The following STAMBP variants were observed in gnomAD, a reference collection of about 807,000 sequenced individuals.
STAMBP encodes STAM-binding protein.
In STAMBP, 31 loss-of-function variants were observed where a neutral mutation model predicts 50.7. The observed-to-expected ratio is 0.61, with a 90% CI of 0.46 to 0.83. The LOEUF is 0.83. Ranked by LOEUF, STAMBP falls within the 40% of genes least tolerant of loss-of-function variation. The pLI is 0.00. For missense variants in STAMBP, 472 were observed against 518.9 expected, an observed-to-expected ratio of 0.91 and a Z score of 0.88; for synonymous variants, 211 against 192.4, an observed-to-expected ratio of 1.10 and a Z score of -0.80.
Position 73,865,134 on chromosome 2 carries a change from T to G in STAMBP, c.*2875T>G, listed in dbSNP as rs1216703386. 6.6e-6 allele frequency: 1 copy of G among 152,210 alleles called. No individual in the cohort carries two copies. The highest frequency in any genetic ancestry group is 1.5e-5 in the Non-Finnish European group (1 of 68,048). 9.4% of individuals were successfully genotyped at this position (152,210 alleles called of 1,614,324 possible). A position where few individuals can be genotyped will look rare whatever the true frequency, so the allele number is the denominator to read the frequency against. On this transcript the variant is annotated 3_prime_UTR_variant, in exon 10 of 10. Coordinates refer to ENST00000394070, the MANE Select transcript of STAMBP (RefSeq NM_213622.4). ...CCTATCCCTTTTGACTGTTGATGGC[T>G]TCTTTGGGGTTTTAGTTACCCCAGT...
At chr2:73,837,540 G>A (rs1001294247) in intron 2 of STAMBP, among the ~76,000 whole-genome samples, 16 of 125,370 alleles carry the variant, frequency 1.3e-4, no homozygotes, top group Admixed American at 9.5e-4. Context: ...AGCCGAGATC[G>A]CGCCACTGCA....
chr2:73,871,390 C>CAA (rs199662643), downstream of STAMBP, among the ~76,000 whole-genome samples: 564 of 151,090 alleles, frequency 3.7e-3, 3 homozygotes, highest in African/African-American at 0.013. Flanking sequence ...CGAAAAATAC[C>CAA]AAAAAAAATT....
At position 73,850,257 on chromosome 2, in the gene STAMBP, C is replaced by T. The variant is rs1676641414; in HGVS notation, c.868-119C>T. ...TGTGAACCACTGAGTGGCAGGACTCCTGCTGTGTGGGAAGGGCTTTCACTT... is the reference window on the plus strand; with the variant it reads ...TGTGAACCACTGAGTGGCAGGACTCTTGCTGTGTGGGAAGGGCTTTCACTT... On this transcript the variant is annotated intron_variant, in intron 6 of 9. Coordinates refer to ENST00000394070, the MANE Select transcript of STAMBP (RefSeq NM_213622.4). The surrounding 1 kb of genome is among the most constrained non-coding windows in gnomAD (Gnocchi z 4.3). The T allele has an allele frequency of 7.5e-7, 1 of 1,339,708 alleles. No individual in the cohort carries two copies. The highest frequency in any genetic ancestry group is 2.5e-5 in the East Asian group (1 of 40,118). The allele number at this position is 1,339,708 out of a possible 1,614,324, so 83.0% of individuals were successfully genotyped here.
Position 73,831,077 on chromosome 2 carries a change from T to C in STAMBP, c.203+18T>C. 2 of 1,606,744 alleles carry C rather than the reference T, an allele frequency of 1.2e-6. No homozygotes were observed. The highest frequency in any genetic ancestry group is 2.2e-5 in the East Asian group (1 of 44,852). The stretch of plus-strand genomic sequence containing the variant: ...TATATCACGTAAGACACCTACAGTT[T>C]CCTTTTTCCTTTCTGGTGACTGGTG... On this transcript the variant is annotated intron_variant, in intron 2 of 9. Transcript: ENST00000394070.
chr2:73,834,285 AT>A (rs1558558487), intron 2 of STAMBP, among the ~76,000 whole-genome samples: 75 of 92,414 alleles, frequency 8.1e-4, no homozygotes, highest in African/African-American at 2.4e-3. Context: ...ATATATATAT[AT>A]AAAGTTTTTG....
intron 2 of STAMBP, among the ~76,000 whole-genome samples, chr2:73,839,664 A>C (rs921374115): frequency 6.6e-6 from 1 of 152,200 alleles, no homozygotes; most frequent in Non-Finnish European, 1.5e-5. Flanking sequence ...CGATTTAAAA[A>C]ATTTTTCAAA....
In STAMBP at chr2:73,859,516, G is replaced by T. The variant is rs1031181160; in HGVS notation, c.1118+150G>T. On this transcript the variant is annotated intron_variant, in intron 8 of 9. Coordinates refer to ENST00000394070, the MANE Select transcript of STAMBP (RefSeq NM_213622.4). ...GTTATTCTAAAGGGCTTCCTTTTAA[G>T]CCCCATATCATGATTTATCTATCAT... is the stretch of plus-strand genomic sequence containing the variant. The T allele has an allele frequency of 2.2e-5, 14 of 631,900 alleles. No homozygotes were observed. The Admixed American group carries it at 3.6e-4, about 16-fold the overall frequency. The allele number at this position is 631,900 out of a possible 1,614,324, so 39.1% of individuals were successfully genotyped here.
intron 2 of STAMBP, among the ~76,000 whole-genome samples, chr2:73,840,049 C>G (rs1675180392): frequency 6.6e-6 from 1 of 152,192 alleles, no homozygotes. Flanking sequence ...CTATCCCTTT[C>G]TATCCCCCTT....
intron 1 of STAMBP, among the ~76,000 whole-genome samples, chr2:73,830,499 T>A (rs1299578378): frequency 6.6e-6 from 1 of 152,248 alleles, no homozygotes; most frequent in East Asian, 1.9e-4. Flanking sequence ...TAAAAGATGC[T>A]GTTCCCACTT....
downstream of STAMBP, among the ~76,000 whole-genome samples, chr2:73,869,339 T>G (rs1679102527): frequency 6.6e-6 from 1 of 152,066 alleles, no homozygotes; most frequent in African/African-American, 2.4e-5. Flanking sequence ...AAGCCTCATA[T>G]GAAGAAAACC....
At chr2:73,860,010 A>T in intron 8 of STAMBP, 42 bp from the exon 9 acceptor site, 1 of 1,460,796 alleles carries the variant, frequency 6.8e-7, no homozygotes, top group Non-Finnish European at 9.5e-7. Context: ...GGATGGAGGG[A>T]CACCTTTGCT....
exon 11 of STAMBP, chr2:73,873,541 A>G (rs1363880233): frequency 6.6e-6 from 1 of 152,264 alleles, no homozygotes; most frequent in Non-Finnish European, 1.5e-5. Flanking sequence ...AACTAACATC[A>G]GAGGTTTTTG....
intron 2 of STAMBP, among the ~76,000 whole-genome samples, 153 bp downstream of exon 2, chr2:73,831,212 G>A (rs1214561967): frequency 6.6e-6 from 1 of 152,218 alleles, no homozygotes; most frequent in East Asian, 1.9e-4. Flanking sequence ...GCCGTTCAAA[G>A]ACATGAGTGC....
intron 7 of STAMBP, among the ~76,000 whole-genome samples, chr2:73,854,103 G>A (rs1449844935): frequency 2.0e-5 from 3 of 152,212 alleles, no homozygotes; most frequent in Admixed American, 6.5e-5. Context: ...TGATAAGGAA[G>A]GATCGAATGA....
intron 2 of STAMBP, among the ~76,000 whole-genome samples, chr2:73,840,495 G>A (rs1047454651): frequency 3.3e-5 from 5 of 151,930 alleles, no homozygotes; most frequent in Non-Finnish European, 7.4e-5. Context: ...TGTAATCCCA[G>A]CATTTCGGGA....
At chr2:73,859,725 T>TAA (rs3043575) in intron 8 of STAMBP, among the ~76,000 whole-genome samples, 35 of 149,872 alleles carry the variant, frequency 2.3e-4, no homozygotes, top group African/African-American at 7.8e-4. Context: ...AATAAAAAAA[T>TAA]AAAAATAAAA....
rs747574012 is a variant in STAMBP at position 73,830,898 on chromosome 2, G to A, written c.42G>A (p.Arg14=). 5.0e-6 allele frequency: 8 copies of A among 1,613,886 alleles called. No individual in the cohort carries two copies. The highest frequency in any genetic ancestry group is 5.9e-6 in the Non-Finnish European group (7 of 1,180,022). ...HGDVSLPPED[R]VRALSQLGSA... ...ATGTGAGCCTCCCGCCCGAAGACCG[G>A]GTGAGGGCTCTCTCCCAGCTGGGTA... The change falls in exon 2 of 10, where the codon CGG becomes CGA. Residue 14 remains arginine (R), a synonymous_variant. Transcript: ENST00000394070.
At chr2:73,873,638 A>G (rs1679287141) in exon 11 of STAMBP, 1 of 152,192 alleles carries the variant, frequency 6.6e-6, no homozygotes. Flanking sequence ...AAATTAAACT[A>G]TATCATCAGA....
chr2:73,844,816 C>T lies in STAMBP; in HGVS notation c.207C>T (p.Leu69=), dbSNP rs372148391. Residue 69 remains leucine (L), a synonymous_variant, in exon 3 of 10, where the codon CTC becomes CTT. Transcript: ENST00000394070. ...TCATTTTGAACTGTTTCCTTAGGCT[C>T]TTTATTGAGAAACTACCAAAACATC... ...AFILYNKYIT[L]FIEKLPKHRD... 16 of 1,613,570 alleles carry T rather than the reference C, an allele frequency of 9.9e-6. No homozygotes were observed. Among genetic ancestry groups the T allele is most frequent in the African/African-American group, 2.7e-5 (2 of 74,934 alleles).
Sources: allele counts gnomAD v4.1 joint callset (sites outside exome capture counted in the v4.1 genomes callset), GRCh38; gene constraint gnomAD v4.1.1; non-coding constraint Gnocchi (gnomAD v3.1); transcripts MANE v1.5; gene names NCBI Gene and HGNC (gene_info 2026-07-23, HGNC 2026-07-21).